IL7: variants seen among roughly 807,000 people sequenced by gnomAD.
IL7 encodes interleukin 7, also known as interleukin-7.
In IL7, 3 loss-of-function variants were observed where a neutral mutation model predicts 21.6. The ratio of observed to expected loss-of-function variants is 0.14; its 90% CI spans 0.06 to 0.36. The LOEUF is 0.36. IL7 is among the 10% of genes least tolerant of loss of function. The pLI is 1.00. For synonymous variants in IL7, 62 were observed against 68.1 expected (o/e 0.91, Z 0.44); for missense variants, 175 against 200.2 (o/e 0.87, Z 0.76).
chr8:78,675,923 TG>T, exon 5 of IL7: 1 of 1,443,902 alleles, frequency 6.9e-7, no homozygotes, highest in East Asian at 2.3e-5. Flanking sequence ...TCAATAATTC[TG>T]GTCAATTCTC....
At chr8:78,724,342 A>G (rs1288642289) in intron 3 of IL7, among the ~76,000 whole-genome samples, 1 of 151,998 alleles carries the variant, frequency 6.6e-6, no homozygotes, top group East Asian at 1.9e-4. Flanking sequence ...GTGAATATAT[A>G]TTTACATTTC....
In IL7 at chr8:78,733,388, C is replaced by T; in HGVS notation, c.*325G>A. On this transcript the variant is annotated 3_prime_UTR_variant, in exon 6 of 6. Transcript: ENST00000263851. The stretch of plus-strand genomic sequence containing the variant: ...ATTATATACTTCATAGATTTAATGT[C>T]TTGAAATATTTAAACAGGTTTGAGA... The T allele has an allele frequency of 5.0e-6, 1 of 201,022 alleles. No individual in the cohort carries two copies. The highest frequency in any genetic ancestry group is 9.9e-6 in the Non-Finnish European group (1 of 100,610). 12.5% of individuals were successfully genotyped at this position (201,022 alleles called of 1,614,324 possible). A position where few individuals can be genotyped will look rare whatever the true frequency, so the allele number is the denominator to read the frequency against.
chr8:78,762,036 C>A, intron 2 of IL7: 4 of 1,601,624 alleles, frequency 2.5e-6, no homozygotes, highest in Non-Finnish European at 2.6e-6. Context: ...TTGTTGGTTT[C>A]TTTATGTTTT....
intron 2 of IL7, among the ~76,000 whole-genome samples, chr8:78,787,446 T>C (rs1156888482): frequency 4.6e-5 from 7 of 152,208 alleles, no homozygotes; most frequent in African/African-American, 1.7e-4. Flanking sequence ...GTCTCCTATG[T>C]TGATTGTTGT....
intron 3 of IL7, among the ~76,000 whole-genome samples, chr8:78,701,537 T>C (rs1209331171): frequency 6.6e-6 from 1 of 152,196 alleles, no homozygotes; most frequent in African/African-American, 2.4e-5. Context: ...CTATGTTGAA[T>C]AGGAGTGGTG....
At chr8:78,784,214 C>A (rs1316659853) in intron 2 of IL7, among the ~76,000 whole-genome samples, 1 of 152,136 alleles carries the variant, frequency 6.6e-6, no homozygotes, top group Non-Finnish European at 1.5e-5. Flanking sequence ...TAAAGAAACA[C>A]CAGAGAGCTC....
At chr8:78,761,791 A>T in intron 2 of IL7, 1 of 1,611,956 alleles carries the variant, frequency 6.2e-7, no homozygotes, top group Non-Finnish European at 8.5e-7. Context: ...GAACCTCTTC[A>T]CCAGAATTTA....
At chr8:78,776,917 C>T (rs1037098943) in intron 2 of IL7, among the ~76,000 whole-genome samples, 4 of 152,166 alleles carry the variant, frequency 2.6e-5, no homozygotes, top group Admixed American at 1.3e-4. Flanking sequence ...GTATAAATTA[C>T]TCCCTGGCAG....
chr8:78,714,316 T>G (rs1175894834), downstream of IL7, among the ~76,000 whole-genome samples: 1 of 152,118 alleles, frequency 6.6e-6, no homozygotes, highest in Non-Finnish European at 1.5e-5. Flanking sequence ...ATAAATAAAT[T>G]TCTATGGGCA....
chr8:78,743,805 T>C (rs925274126), intron 2 of IL7, among the ~76,000 whole-genome samples: 6 of 152,094 alleles, frequency 3.9e-5, no homozygotes, highest in East Asian at 3.9e-4. Flanking sequence ...CCTTTTTTTT[T>C]CCCCCTGGCA....
At chr8:78,742,691 T>A (rs377466810) in intron 2 of IL7, among the ~76,000 whole-genome samples, 72 of 152,338 alleles carry the variant, frequency 4.7e-4, no homozygotes, top group African/African-American at 1.5e-3. Flanking sequence ...TATGCTTTCA[T>A]ATCTTTTCAT....
chr8:78,748,870 A>G (rs961533949), intron 2 of IL7, among the ~76,000 whole-genome samples: 11 of 152,238 alleles, frequency 7.2e-5, no homozygotes, highest in African/African-American at 2.7e-4. Flanking sequence ...AAAGAAAGCT[A>G]ATAATGGAAT....
downstream of IL7, among the ~76,000 whole-genome samples, chr8:78,728,615 A>G (rs540002245): frequency 4.3e-4 from 65 of 152,120 alleles, no homozygotes; most frequent in Non-Finnish European, 8.5e-4. Context: ...TACACAAATA[A>G]GTCATGAACC....
intron 2 of IL7, chr8:78,762,252 C>T: frequency 6.3e-7 from 1 of 1,579,914 alleles, no homozygotes; most frequent in South Asian, 1.1e-5. Context: ...AAATGTTTGG[C>T]ACATAATCGA....
Position 78,763,858 on chromosome 8 carries a change from C to T in IL7, c.148-23776G>A, listed in dbSNP as rs563188870. On this transcript the variant is annotated intron_variant, in intron 2 of 5. Transcript: ENST00000263851. The stretch of plus-strand genomic sequence containing the variant: ...CCAGCATTACCCTAATATCAAAAAT[C>T]AAAGACACTGCAAGAAAATAAAACT... Among the ~76,000 whole-genome samples, 13 of 152,150 alleles carry T rather than the reference C, an allele frequency of 8.5e-5. No homozygotes were observed. The South Asian group carries it at 2.7e-3, about 32-fold the overall frequency.
At chr8:78,681,731 A>G (rs1287919827) in intron 4 of IL7, among the ~76,000 whole-genome samples, 2 of 151,994 alleles carry the variant, frequency 1.3e-5, no homozygotes, top group Non-Finnish European at 1.5e-5. Flanking sequence ...TTGATTTTAT[A>G]TTTGTTCTGG....
chr8:78,678,817 G>GT, intron 4 of IL7: 1 of 499,236 alleles, frequency 2.0e-6, no homozygotes, highest in East Asian at 3.5e-5. Flanking sequence ...ACAATTCTGT[G>GT]TTATATGTTC....
Position 78,746,979 on chromosome 8 carries a change from TCA to T in IL7, c.148-6899_148-6898del, listed in dbSNP as rs534892577. The T allele has an allele frequency of 4.3e-3, 1,930 of 453,542 alleles. 8 individuals carry two copies. The highest frequency in any genetic ancestry group is 6.9e-3 in the Non-Finnish European group (1,565 of 225,978). 28.1% of individuals were successfully genotyped at this position (453,542 alleles called of 1,614,324 possible). A position where few individuals can be genotyped will look rare whatever the true frequency, so the allele number is the denominator to read the frequency against. On this transcript the variant is annotated intron_variant, in intron 2 of 5. Transcript: ENST00000263851. ...TTTCAGGAGAGAAAGTCAATATGGT[TCA>T]CAGTTACTCTTCATGGTCACATGTG...
At chr8:78,797,826 AC>A (rs1303459900) in intron 2 of IL7, 1 of 310,828 alleles carries the variant, frequency 3.2e-6, no homozygotes, top group Non-Finnish European at 5.9e-6. Context: ...CAAGAAATTT[AC>A]TAAAAGGGAA....
Sources: gnomAD v4.1 joint callset for allele counts (sites outside exome capture counted in the v4.1 genomes callset) on GRCh38, gnomAD v4.1.1 for gene constraint, MANE v1.5 for transcripts, NCBI Gene and HGNC (gene_info 2026-07-23, HGNC 2026-07-21) for gene names.